ZNG1F: variants seen among roughly 807,000 people sequenced by gnomAD.
The protein encoded by ZNG1F is Zn regulated GTPase metalloprotein activator 1F, also known as zinc-regulated GTPase metalloprotein activator 1F.
the ZNG1F span, chr9:41,183,573 C>G: frequency 1.9e-6 from 3 of 1,595,482 alleles, no homozygotes; most frequent in East Asian, 2.3e-5. Context: ...CTTCACTGAA[C>G]AGCAGAGGCA....
the ZNG1F span, among the ~76,000 whole-genome samples, chr9:41,200,795 G>A: frequency 6.6e-6 from 1 of 152,200 alleles, no homozygotes; most frequent in Admixed American, 6.6e-5. Flanking sequence ...CAGGAGAAGA[G>A]AGATTATGCA....
At chr9:41,148,905 C>CA in the ZNG1F span, among the ~76,000 whole-genome samples, 1 of 94,524 alleles carries the variant, frequency 1.1e-5, no homozygotes, top group African/African-American at 4.6e-5. Context: ...ATGGCTAAGC[C>CA]AAAATTAGAA....
chr9:41,140,950 C>A, the ZNG1F span, among the ~76,000 whole-genome samples: 6 of 151,756 alleles, frequency 4.0e-5, no homozygotes, highest in Non-Finnish European at 7.4e-5. Flanking sequence ...TGGTCTACAA[C>A]TCCTGGGTTT....
At chr9:41,160,791 A>G in the ZNG1F span, 13 of 891,092 alleles carry the variant, frequency 1.5e-5, no homozygotes, top group African/African-American at 1.2e-4. Context: ...AATATTTAAT[A>G]TAAGATTCAG....
At chr9:41,143,208 G>GA in the ZNG1F span, among the ~76,000 whole-genome samples, 1 of 3,472 alleles carries the variant, frequency 2.9e-4, no homozygotes, top group East Asian at 5.7e-3. Context: ...GGGTCACAGA[G>GA]AAAAATCTGA....
chr9:41,196,716 A>AT, the ZNG1F span, among the ~76,000 whole-genome samples: 1 of 83,116 alleles, frequency 1.2e-5, no homozygotes, highest in African/African-American at 3.4e-5. Context: ...ACACACACAT[A>AT]TATATATATG....
At chr9:41,132,346 T>C in the ZNG1F span, 7 of 1,604,488 alleles carry the variant, frequency 4.4e-6, 1 homozygote, top group South Asian at 6.6e-5. Context: ...TGTCTTTGAT[T>C]GACACCAATC....
chr9:41,159,231 C>T, the ZNG1F span, among the ~76,000 whole-genome samples: 2 of 149,568 alleles, frequency 1.3e-5, no homozygotes, highest in Non-Finnish European at 3.0e-5. Context: ...ATCCAAGTAT[C>T]CAGTATCTAC....
At chr9:41,146,213 C>T in the ZNG1F span, among the ~76,000 whole-genome samples, 9 of 144,140 alleles carry the variant, frequency 6.2e-5, no homozygotes, top group Non-Finnish European at 1.4e-4. Context: ...AAAAGTCATG[C>T]AATGGCCTTC....
the ZNG1F span, among the ~76,000 whole-genome samples, chr9:41,200,763 G>T: frequency 6.6e-6 from 1 of 152,194 alleles, no homozygotes; most frequent in African/African-American, 2.4e-5. Flanking sequence ...AAGGCAAAAG[G>T]CACATCTCAC....
the ZNG1F span, chr9:41,156,894 ATTAAG>A: frequency 7.8e-6 from 1 of 128,700 alleles, no homozygotes; most frequent in Non-Finnish European, 1.6e-5. Flanking sequence ...TGTACAAAAT[ATTAAG>A]TTACTCTAGG....
At chr9:41,185,996 C>G in the ZNG1F span, 1 of 116,498 alleles carries the variant, frequency 8.6e-6, no homozygotes. Flanking sequence ...TACTTACCTT[C>G]CCCAGATTCA....
At chr9:41,158,140 AC>A in the ZNG1F span, 2 of 47,320 alleles carry the variant, frequency 4.2e-5, no homozygotes, top group African/African-American at 5.8e-5. Context: ...ATGTGGCGAA[AC>A]CGTCTCTACT....
chr9:41,185,619 G>C, the ZNG1F span, among the ~76,000 whole-genome samples: 1 of 151,926 alleles, frequency 6.6e-6, no homozygotes, highest in African/African-American at 2.4e-5. Context: ...GTGGCAGTGA[G>C]CTGAGATTGC....
At chr9:41,145,574 A>C in the ZNG1F span, 2 of 376,992 alleles carry the variant, frequency 5.3e-6, no homozygotes, top group Non-Finnish European at 9.4e-6. Flanking sequence ...AATAAAGAGA[A>C]AAACTAGTCT....
chr9:41,195,531 G>T, the ZNG1F span, among the ~76,000 whole-genome samples: 1 of 137,304 alleles, frequency 7.3e-6, no homozygotes, highest in Non-Finnish European at 1.6e-5. Context: ...ATCTTTGGTG[G>T]TTAAACCATG....
the ZNG1F span, among the ~76,000 whole-genome samples, chr9:41,190,870 C>T: frequency 1.4e-5 from 2 of 146,498 alleles, no homozygotes; most frequent in African/African-American, 2.5e-5. Context: ...ATAAAATATA[C>T]TGTGTGTATT....
At chr9:41,183,805 A>T in the ZNG1F span, 6 of 1,391,644 alleles carry the variant, frequency 4.3e-6, no homozygotes, top group Middle Eastern at 2.4e-4. Context: ...CACTTTATTC[A>T]TGCAGCCTTG....
At chr9:41,202,409 AAG>A in the ZNG1F span, among the ~76,000 whole-genome samples, 1 of 111,272 alleles carries the variant, frequency 9.0e-6, no homozygotes, top group South Asian at 3.6e-4. Context: ...TTTAAAATAC[AAG>A]AGTCATTAAA....
Sources: allele counts gnomAD v4.1 joint callset (sites outside exome capture counted in the v4.1 genomes callset), GRCh38; gene constraint gnomAD v4.1.1; transcripts MANE v1.5; gene names NCBI Gene and HGNC (gene_info 2026-07-23, HGNC 2026-07-21).